Variants in MAPK8IP3 observed in about 807,000 individuals in gnomAD.
MAPK8IP3 encodes the protein C-Jun-amino-terminal kinase-interacting protein 3.
A neutral mutation model predicts 157.8 loss-of-function variants in MAPK8IP3; 49 were observed. The observed-to-expected ratio is 0.31, with a 90% CI of 0.25 to 0.39. MAPK8IP3 has a LOEUF of 0.39. MAPK8IP3 is among the 10% of genes least tolerant of loss of function. The pLI is 1.00. For synonymous variants in MAPK8IP3, 897 were observed against 777.7 expected (o/e 1.15, Z -2.55); for missense variants, 1,478 against 1,889.4 (o/e 0.78, Z 4.04).
rs371467465 is a variant in MAPK8IP3 at position 1,763,640 on chromosome 16, A to G, written c.1899-17A>G. On this transcript the variant is annotated splice_polypyrimidine_tract_variant and intron_variant, in intron 16 of 31. Coordinates refer to ENST00000610761, the MANE Select transcript of MAPK8IP3 (RefSeq NM_001318852.2). ...CTCACCCTGGACAGAGACATCACCC[A>G]TCATTCTTCCACTCAGCGACTGCAC... is the stretch of plus-strand genomic sequence containing the variant. 1.3e-6 allele frequency: 2 copies of G among 1,542,004 alleles called. No homozygotes were observed. Among genetic ancestry groups the G allele is most frequent in the South Asian group, 1.2e-5 (1 of 83,106 alleles).
chr16:1,720,077 C>T (rs1057269512), intron 1 of MAPK8IP3, among the ~76,000 whole-genome samples: 1 of 152,184 alleles, frequency 6.6e-6, no homozygotes, highest in Non-Finnish European at 1.5e-5. Flanking sequence ...GAATCTCGCT[C>T]TTGTTGCCCA....
chr16:1,768,619 C>T lies in MAPK8IP3; in HGVS notation c.3885C>T (p.Phe1295=), dbSNP rs764474718. The T allele has an allele frequency of 1.9e-6, 3 of 1,601,796 alleles. No individual in the cohort carries two copies. Among genetic ancestry groups the T allele is most frequent in the South Asian group, 2.2e-5 (2 of 90,224 alleles). ...VLSGGEGYID[F]RIGDGEDDET... Reference sequence around the variant, plus strand: ...GCGGCGGGGAGGGCTACATCGACTTCCGCATTGGTGAGCGGGGCCCAGGGA... The same window carrying T: ...GCGGCGGGGAGGGCTACATCGACTTTCGCATTGGTGAGCGGGGCCCAGGGA... Residue 1295 remains phenylalanine (F), a synonymous_variant, in exon 31 of 32, where the codon TTC becomes TTT. Transcript: ENST00000610761.
At chr16:1,728,114 C>A (rs1169125487) in intron 2 of MAPK8IP3, among the ~76,000 whole-genome samples, 2 of 152,238 alleles carry the variant, frequency 1.3e-5, no homozygotes, top group South Asian at 4.1e-4. Context: ...CGGGGGCACG[C>A]ATGCACCATT....
At chr16:1,766,687 G>C (rs190033794) in intron 23 of MAPK8IP3, 36 bp from the exon 24 acceptor site, 4 of 1,612,554 alleles carry the variant, frequency 2.5e-6, no homozygotes, top group Admixed American at 3.3e-5. Context: ...GAGGGTCCTG[G>C]GTGAGCCCCT....
chr16:1,756,499 G>C (rs1252170521), intron 8 of MAPK8IP3, among the ~76,000 whole-genome samples: 2 of 151,844 alleles, frequency 1.3e-5, no homozygotes, highest in East Asian at 3.9e-4. Context: ...AAAAGCAACC[G>C]GGGTCAGGCA....
intron 2 of MAPK8IP3, among the ~76,000 whole-genome samples, chr16:1,727,407 G>T (rs1244247607): frequency 1.3e-5 from 2 of 152,138 alleles, no homozygotes; most frequent in African/African-American, 4.8e-5. Flanking sequence ...TTTGCTGCAT[G>T]CAGCGTCTGT....
At chr16:1,727,740 C>A (rs898871454) in intron 2 of MAPK8IP3, among the ~76,000 whole-genome samples, 3 of 152,190 alleles carry the variant, frequency 2.0e-5, no homozygotes, top group African/African-American at 7.2e-5. Context: ...GGGGTGAGAT[C>A]CCCGCGCCAG....
At position 1,724,829 on chromosome 16, in the gene MAPK8IP3, G is replaced by A; in HGVS notation, c.439+152G>A. 2 of 1,038,194 alleles carry A rather than the reference G, an allele frequency of 1.9e-6. No homozygotes were observed. Among genetic ancestry groups the A allele is most frequent in the Non-Finnish European group, 2.7e-6 (2 of 737,456 alleles). 64.3% of individuals were successfully genotyped at this position (1,038,194 alleles called of 1,614,324 possible). On this transcript the variant is annotated intron_variant, in intron 2 of 31. Transcript: ENST00000610761. This position sits in a 1 kb window ranked among gnomAD's most constrained non-coding sequence, Gnocchi z 4.1. ...ATGTATTCCAGCTCTTTGTACTGCT[G>A]CCTGTTTCTGTAATGGGCCCCAGAT... is the stretch of plus-strand genomic sequence containing the variant.
intron 1 of MAPK8IP3, among the ~76,000 whole-genome samples, chr16:1,712,872 G>C (rs905812961): frequency 6.6e-6 from 1 of 152,208 alleles, no homozygotes; most frequent in Non-Finnish European, 1.5e-5. Context: ...TGCCGCCCCT[G>C]CCTGGGGAGC....
At chr16:1,767,439 G>C in intron 26 of MAPK8IP3, 125 bp from the exon 27 acceptor site, 1 of 1,498,002 alleles carries the variant, frequency 6.7e-7, no homozygotes, top group East Asian at 2.3e-5. Flanking sequence ...TCGAACAGGC[G>C]CAAAGCAGGC....
chr16:1,764,581 C>A, intron 19 of MAPK8IP3, 122 bp downstream of exon 19: 2 of 1,342,284 alleles, frequency 1.5e-6, no homozygotes, highest in Non-Finnish European at 2.0e-6. Flanking sequence ...CAGGGCAGCG[C>A]AGGGGCTCCT....
intron 4 of MAPK8IP3, among the ~76,000 whole-genome samples, chr16:1,730,676 T>C (rs2039249051): frequency 6.6e-6 from 1 of 152,106 alleles, no homozygotes; most frequent in Non-Finnish European, 1.5e-5. Context: ...ACCCCATCTC[T>C]ACTAAAAATA....
At chr16:1,737,821 CGT>C (rs1171325056) in intron 4 of MAPK8IP3, among the ~76,000 whole-genome samples, 4 of 81,174 alleles carry the variant, frequency 4.9e-5, no homozygotes, top group Non-Finnish European at 4.6e-5. Context: ...TGTGAGCGTC[CGT>C]GTGAGCGTGA....
At chr16:1,723,405 C>T (rs921874844) in intron 1 of MAPK8IP3, among the ~76,000 whole-genome samples, 1 of 152,050 alleles carries the variant, frequency 6.6e-6, no homozygotes, top group Non-Finnish European at 1.5e-5. Flanking sequence ...GTCTCAAACA[C>T]TCACTCAGGC....
intron 8 of MAPK8IP3, among the ~76,000 whole-genome samples, chr16:1,756,759 T>A (rs2041625045): frequency 6.6e-6 from 1 of 151,796 alleles, no homozygotes; most frequent in Non-Finnish European, 1.5e-5. Context: ...GAGGTCAACG[T>A]TGCAGTAAGC....
rs140278983 is a variant in MAPK8IP3, at chr16:1,720,894, C to G, written c.319-3663C>G. The stretch of plus-strand genomic sequence containing the variant: ...CTAAAAATACAAAGAATTAGCTGGG[C>G]GTGGTGGTGGGTGCCTGTAATCCCA... On this transcript the variant is annotated intron_variant, in intron 1 of 31. Coordinates refer to ENST00000610761, the MANE Select transcript of MAPK8IP3 (RefSeq NM_001318852.2). 2.4e-3 allele frequency among the ~76,000 whole-genome samples: 366 copies of G among 152,124 alleles called. 7 individuals carry two copies. The East Asian group carries it at 0.051, about 21-fold the overall frequency.
Position 1,769,249 on chromosome 16 carries a change from G to A in MAPK8IP3, c.*425G>A, listed in dbSNP as rs118077547. On this transcript the variant is annotated 3_prime_UTR_variant, in exon 32 of 32. Coordinates refer to ENST00000610761, the MANE Select transcript of MAPK8IP3 (RefSeq NM_001318852.2). ...GCCCACCTCTGCATGCTGCTCATGG[G>A]GCCACCCTGCCTCCTGGGCCCTCAC... 24,722 of 207,914 alleles carry A rather than the reference G, an allele frequency of 0.12. 1,785 individuals are homozygous for A. The highest frequency in any genetic ancestry group is 0.26 in the East Asian group (1,894 of 7,182). 12.9% of individuals were successfully genotyped at this position (207,914 alleles called of 1,614,324 possible).
At position 1,767,137 on chromosome 16, in the gene MAPK8IP3, G is replaced by C; in HGVS notation, c.3089-12G>C. 1 of 1,612,738 alleles carries C rather than the reference G, an allele frequency of 6.2e-7. No homozygotes were observed. Among genetic ancestry groups the C allele is most frequent in the Non-Finnish European group, 8.5e-7 (1 of 1,179,814 alleles). The stretch of plus-strand genomic sequence containing the variant: ...TGGCCAGGCCTGAGCAGGTGTCCGG[G>C]GCTCCCTCCAGATGGCCAGTGGGAT... On this transcript the variant is annotated splice_polypyrimidine_tract_variant and intron_variant, in intron 25 of 31. Coordinates refer to ENST00000610761, the MANE Select transcript of MAPK8IP3 (RefSeq NM_001318852.2).
At chr16:1,738,252 G>A (rs1257844936) in intron 4 of MAPK8IP3, among the ~76,000 whole-genome samples, 4 of 95,400 alleles carry the variant, frequency 4.2e-5, no homozygotes, top group African/African-American at 4.5e-5. Flanking sequence ...TTGAGCATCC[G>A]TGTGAGCGTG....
Sources: gnomAD v4.1 joint callset for allele counts (sites outside exome capture counted in the v4.1 genomes callset) on GRCh38, gnomAD v4.1.1 for gene constraint, Gnocchi (gnomAD v3.1) non-coding constraint, MANE v1.5 for transcripts, NCBI Gene and HGNC (gene_info 2026-07-23, HGNC 2026-07-21) for gene names.